Variants in EYS observed in about 807,000 individuals in gnomAD.
EYS encodes protein eyes shut homolog.
In EYS, 250 loss-of-function variants were observed where a neutral mutation model predicts 282.1. That is an observed-to-expected ratio of 0.89 (90% CI 0.80 to 0.98). The LOEUF is 0.98. Among genes scored for constraint, EYS ranks in the 50% least tolerant of loss-of-function variants. The probability of loss-of-function intolerance (pLI) is 0.00; values close to 1 mark genes in which losing one functional copy is unlikely to be tolerated. For synonymous variants in EYS, 1,355 were observed against 1,282.9 expected (o/e 1.06, Z -1.20); for missense variants, 4,016 against 3,709.0 (o/e 1.08, Z -2.15).
chr6:64,109,112 C>A (rs144274379), intron 31 of EYS, among the ~76,000 whole-genome samples: 1 of 152,072 alleles, frequency 6.6e-6, no homozygotes, highest in Non-Finnish European at 1.5e-5. Context: ...ACATTTACAT[C>A]AGCTGCCTTA....
At chr6:65,046,187 G>A (rs1294141215) in intron 13 of EYS, among the ~76,000 whole-genome samples, 1 of 151,818 alleles carries the variant, frequency 6.6e-6, no homozygotes, top group Non-Finnish European at 1.5e-5. Flanking sequence ...TTAGGCTACA[G>A]AGCACCAATA....
intron 12 of EYS, among the ~76,000 whole-genome samples, chr6:65,082,392 T>G (rs2150172237): frequency 6.6e-6 from 1 of 152,202 alleles, no homozygotes; most frequent in African/African-American, 2.4e-5. Context: ...TATTATTGCT[T>G]ATTACTCCTC....
At chr6:64,262,972 G>C (rs944699786) in intron 30 of EYS, among the ~76,000 whole-genome samples, 2 of 151,974 alleles carry the variant, frequency 1.3e-5, no homozygotes, top group East Asian at 3.9e-4. Flanking sequence ...ATGATTTTTG[G>C]AGTCAGACTA....
intron 15 of EYS, among the ~76,000 whole-genome samples, chr6:64,931,353 C>A (rs926490771): frequency 7.2e-5 from 11 of 152,012 alleles, no homozygotes; most frequent in Admixed American, 7.2e-4. Context: ...TAGAATAACT[C>A]TTCACAAAGT....
chr6:64,815,877 T>C (rs1366721924), intron 21 of EYS, among the ~76,000 whole-genome samples: 1 of 151,970 alleles, frequency 6.6e-6, no homozygotes, highest in African/African-American at 2.4e-5. Flanking sequence ...ATATATTCAT[T>C]GTGAAATTCT....
At chr6:64,147,442 G>C (rs1470998462) in intron 31 of EYS, among the ~76,000 whole-genome samples, 1 of 152,116 alleles carries the variant, frequency 6.6e-6, no homozygotes, top group Admixed American at 6.6e-5. Flanking sequence ...TATATATTTG[G>C]CTTCAGCTGT....
rs964276814 is a variant in EYS at position 64,610,979 on chromosome 6, C to T, written c.3684+6439G>A. Among the ~76,000 whole-genome samples, 3 of 151,792 alleles carry T rather than the reference C, an allele frequency of 2.0e-5. No homozygotes were observed. In the East Asian group the frequency reaches 5.8e-4, roughly 30 times the overall value. ...GAACACACATCCCTCCATCTTTTTC[C>T]CCCCCATAGCACTCATTGCTGCCCA... On this transcript the variant is annotated intron_variant, in intron 24 of 42. Coordinates refer to ENST00000503581, the MANE Select transcript of EYS (RefSeq NM_001142800.2).
intron 12 of EYS, among the ~76,000 whole-genome samples, chr6:65,207,598 G>A (rs114799935): frequency 1.1e-4 from 17 of 151,734 alleles, no homozygotes; most frequent in Middle Eastern, 3.4e-3. Context: ...GAACAAAGCC[G>A]GAGACATCAC....
chr6:65,378,943 T>C (rs1397562052), intron 8 of EYS, among the ~76,000 whole-genome samples: 2 of 151,830 alleles, frequency 1.3e-5, no homozygotes, highest in Non-Finnish European at 1.5e-5. Flanking sequence ...AGATGACAGG[T>C]TGATGGGTGC....
intron 36 of EYS, among the ~76,000 whole-genome samples, chr6:63,832,428 C>G (rs1184687506): frequency 6.6e-6 from 1 of 152,186 alleles, no homozygotes; most frequent in Non-Finnish European, 1.5e-5. Flanking sequence ...ATCAGGAATA[C>G]TATAAACACC....
intron 26 of EYS, among the ~76,000 whole-genome samples, chr6:64,476,253 G>A (rs1365429093): frequency 2.6e-5 from 4 of 151,992 alleles, no homozygotes; most frequent in African/African-American, 7.3e-5. Flanking sequence ...TTAACTATTC[G>A]CATGTCTGTC....
chr6:63,968,432 A>AG (rs891958102), intron 35 of EYS, among the ~76,000 whole-genome samples: 4 of 152,136 alleles, frequency 2.6e-5, no homozygotes, highest in African/African-American at 9.7e-5. Flanking sequence ...GGGAAAATGC[A>AG]GGGGTATGTG....
intron 26 of EYS, among the ~76,000 whole-genome samples, chr6:64,444,078 C>T (rs1287578478): frequency 6.6e-6 from 1 of 150,914 alleles, no homozygotes; most frequent in East Asian, 2.0e-4. Flanking sequence ...CATGACAATG[C>T]TCCTGCTTAT....
chr6:63,856,015 G>GT (rs35464160), intron 36 of EYS, among the ~76,000 whole-genome samples: 68,704 of 138,234 alleles, frequency 0.5, 17,898 homozygotes, highest in Non-Finnish European at 0.58. Context: ...TTTCAGTGAA[G>GT]TTTTTTTTTT....
intron 26 of EYS, among the ~76,000 whole-genome samples, chr6:64,544,601 C>G (rs1301751533): frequency 6.6e-6 from 1 of 151,740 alleles, no homozygotes; most frequent in Non-Finnish European, 1.5e-5. Flanking sequence ...TTGAAAAGAT[C>G]AACAAAATTG....
At chr6:64,942,975 T>C (rs1769147903) in intron 15 of EYS, among the ~76,000 whole-genome samples, 1 of 151,606 alleles carries the variant, frequency 6.6e-6, no homozygotes, top group Non-Finnish European at 1.5e-5. Context: ...CTCAACAAAA[T>C]ACTAGGAAGC....
At chr6:64,944,914 A>G (rs990013587) in intron 15 of EYS, among the ~76,000 whole-genome samples, 4 of 152,144 alleles carry the variant, frequency 2.6e-5, no homozygotes, top group East Asian at 1.9e-4. Context: ...CAGTCATAGT[A>G]CCTTCCCTTG....
At chr6:65,312,359 T>C (rs570709080) in intron 11 of EYS, among the ~76,000 whole-genome samples, 1 of 152,194 alleles carries the variant, frequency 6.6e-6, no homozygotes, top group Non-Finnish European at 1.5e-5. Flanking sequence ...GTTTCTGTCA[T>C]CTGGGTTTAG....
intron 30 of EYS, among the ~76,000 whole-genome samples, chr6:64,258,934 G>A (rs1767492141): frequency 6.6e-6 from 1 of 151,992 alleles, no homozygotes; most frequent in South Asian, 2.1e-4. Flanking sequence ...GAGTCATTTG[G>A]ACTTAGAATT....
Sources: allele counts gnomAD v4.1 joint callset (sites outside exome capture counted in the v4.1 genomes callset), GRCh38; gene constraint gnomAD v4.1.1; transcripts MANE v1.5; gene names NCBI Gene and HGNC (gene_info 2026-07-23, HGNC 2026-07-21).